Variants in COL25A1 observed in about 807,000 individuals in gnomAD.
The protein encoded by COL25A1 is collagen type XXV alpha 1 chain, also known as collagen alpha-1(XXV) chain.
Under a neutral mutation model 128.4 loss-of-function variants are expected in COL25A1, and 103 were observed. The ratio of observed to expected loss-of-function variants is 0.80; its 90% CI spans 0.68 to 0.94. The LOEUF (loss-of-function observed/expected upper bound fraction) is 0.94. Among genes scored for constraint, COL25A1 ranks in the 40% least tolerant of loss-of-function variants. COL25A1 has a pLI of 0.00. For missense variants in COL25A1, 745 were observed against 840.0 expected, an observed-to-expected ratio of 0.89 and a Z score of 1.40; for synonymous variants, 279 against 277.2, an observed-to-expected ratio of 1.01 and a Z score of -0.06.
chr4:109,134,221 A>G, intron 3 of COL25A1, among the ~76,000 whole-genome samples: 1 of 150,394 alleles, frequency 6.6e-6, no homozygotes. Context: ...ATAGGTAATG[A>G]GGAGTCTTTA....
intron 3 of COL25A1, among the ~76,000 whole-genome samples, chr4:109,171,476 T>G (rs1773579712): frequency 6.6e-6 from 1 of 152,344 alleles, no homozygotes; most frequent in Middle Eastern, 3.4e-3. Flanking sequence ...AAGCAATAAG[T>G]GTTTGTTGCT....
intron 3 of COL25A1, among the ~76,000 whole-genome samples, chr4:109,265,835 A>G (rs908727866): frequency 1.3e-5 from 2 of 152,220 alleles, no homozygotes; most frequent in African/African-American, 4.8e-5. Context: ...CAAAATGGAA[A>G]GAATGTAACA....
chr4:109,019,638 A>G (rs1757547110), intron 5 of COL25A1, among the ~76,000 whole-genome samples: 1 of 151,898 alleles, frequency 6.6e-6, no homozygotes, highest in South Asian at 2.1e-4. Flanking sequence ...CACTATCTTG[A>G]GAACAGCACT....
intron 3 of COL25A1, among the ~76,000 whole-genome samples, chr4:109,171,179 G>A (rs867121584): frequency 6.6e-6 from 1 of 152,076 alleles, no homozygotes; most frequent in South Asian, 2.1e-4. Flanking sequence ...CATCCCAGAG[G>A]CTCCAGCCAG....
At chr4:109,207,733 G>A (rs1777129749) in intron 3 of COL25A1, among the ~76,000 whole-genome samples, 1 of 152,104 alleles carries the variant, frequency 6.6e-6, no homozygotes, top group Non-Finnish European at 1.5e-5. Context: ...AACCATACCT[G>A]TAATTGCTCA....
intron 5 of COL25A1, among the ~76,000 whole-genome samples, chr4:109,040,664 G>A (rs749833283): frequency 5.3e-5 from 8 of 152,126 alleles, no homozygotes; most frequent in Non-Finnish European, 7.3e-5. Context: ...TCAGCAACAT[G>A]ACTAAATATT....
chr4:108,948,390 G>T (rs1025163542), intron 8 of COL25A1, among the ~76,000 whole-genome samples: 4 of 152,086 alleles, frequency 2.6e-5, no homozygotes, highest in African/African-American at 4.8e-5. Context: ...TTGCCTCATG[G>T]TATTATTAAT....
chr4:109,130,863 T>C (rs1489369996), intron 3 of COL25A1, among the ~76,000 whole-genome samples: 1 of 152,226 alleles, frequency 6.6e-6, no homozygotes, highest in African/African-American at 2.4e-5. Context: ...TATTTATTTA[T>C]ATTGCATATT....
rs201539767 is a variant in COL25A1, at chr4:109,239,294, G to T, written c.367+61289C>A. Among the ~76,000 whole-genome samples, 3 of 146,962 alleles carry T rather than the reference G, an allele frequency of 2.0e-5. No homozygotes were observed. The East Asian group carries it at 5.9e-4, about 29-fold the overall frequency. ...CTATACTATGTATAATAGCTATATTGTAGTAATATTATATTTATATTATAG... is the reference window on the plus strand; with the variant it reads ...CTATACTATGTATAATAGCTATATTTTAGTAATATTATATTTATATTATAG... On this transcript the variant is annotated intron_variant, in intron 3 of 37. Transcript: ENST00000399132.
intron 3 of COL25A1, among the ~76,000 whole-genome samples, chr4:109,153,112 G>A (rs528410086): frequency 6.6e-6 from 1 of 152,126 alleles, no homozygotes; most frequent in East Asian, 1.9e-4. Flanking sequence ...TGGGCCGGGC[G>A]CAGTGGCTCA....
intron 6 of COL25A1, among the ~76,000 whole-genome samples, chr4:108,996,286 T>TG (rs751768097): frequency 7.5e-5 from 1 of 13,386 alleles, no homozygotes; most frequent in African/African-American, 2.2e-4. Context: ...ACCAAGCAAA[T>TG]GGGAAAAAAA....
chr4:108,986,668 T>A (rs957560155), intron 6 of COL25A1, among the ~76,000 whole-genome samples: 1 of 151,898 alleles, frequency 6.6e-6, no homozygotes, highest in Non-Finnish European at 1.5e-5. Context: ...GACTGAAGAG[T>A]TTTAATAATT....
At chr4:108,852,085 A>G in intron 26 of COL25A1, 151 bp downstream of exon 26, 1 of 540,930 alleles carries the variant, frequency 1.8e-6, no homozygotes, top group Non-Finnish European at 3.2e-6. Context: ...TTCAGTCCAG[A>G]CCTCAATTTC....
intron 32 of COL25A1, among the ~76,000 whole-genome samples, chr4:108,827,643 C>G (rs573464167): frequency 6.6e-6 from 1 of 152,072 alleles, no homozygotes; most frequent in Non-Finnish European, 1.5e-5. Context: ...CCTCCCACCT[C>G]GACCTCCTGA....
chr4:109,189,432 C>A (rs1775401338), intron 3 of COL25A1, among the ~76,000 whole-genome samples: 1 of 150,924 alleles, frequency 6.6e-6, no homozygotes, highest in Admixed American at 6.6e-5. Flanking sequence ...CCTGTAATCC[C>A]AGCTACTCGG....
intron 3 of COL25A1, among the ~76,000 whole-genome samples, chr4:109,147,136 A>C (rs2126095339): frequency 6.6e-6 from 1 of 152,356 alleles, no homozygotes; most frequent in South Asian, 2.1e-4. Context: ...TATTTCCCTA[A>C]TTGTAACCTG....
chr4:108,884,746 A>G (rs574937753), intron 18 of COL25A1, among the ~76,000 whole-genome samples: 12 of 152,342 alleles, frequency 7.9e-5, no homozygotes, highest in African/African-American at 2.9e-4. Context: ...GAGAAGATAA[A>G]TGAATACTTA....
At chr4:109,091,410 CACG>C (rs1378098314) in intron 3 of COL25A1, among the ~76,000 whole-genome samples, 11 of 152,172 alleles carry the variant, frequency 7.2e-5, no homozygotes, top group African/African-American at 2.7e-4. Flanking sequence ...CGCTCAAAAC[CACG>C]ACAACAATTG....
intron 3 of COL25A1, among the ~76,000 whole-genome samples, chr4:109,230,006 G>C (rs1779059024): frequency 6.6e-6 from 1 of 152,112 alleles, no homozygotes; most frequent in Admixed American, 6.6e-5. Flanking sequence ...GCAAAAGCAG[G>C]AGCAAGGGGT....
Sources: allele counts gnomAD v4.1 joint callset (sites outside exome capture counted in the v4.1 genomes callset), GRCh38; gene constraint gnomAD v4.1.1; transcripts MANE v1.5; gene names NCBI Gene and HGNC (gene_info 2026-07-23, HGNC 2026-07-21).